RIMBP2: variants seen among roughly 807,000 people sequenced by gnomAD.
RIMBP2 encodes RIMS binding protein 2.
Under a neutral mutation model 118.6 loss-of-function variants are expected in RIMBP2, and 48 were observed. That is an observed-to-expected ratio of 0.40 (90% CI 0.32 to 0.51). The LOEUF (loss-of-function observed/expected upper bound fraction) is 0.51. RIMBP2 is among the 20% of genes least tolerant of loss of function. The pLI is 0.41. For missense variants in RIMBP2, 1,551 were observed against 1,768.3 expected (o/e 0.88, Z 2.20); for synonymous variants, 762 against 742.9 (o/e 1.03, Z -0.42).
chr12:130,420,686 A>C lies in RIMBP2; in HGVS notation c.3238+1767T>G, dbSNP rs928164292. Among the ~76,000 whole-genome samples, 7 of 152,218 alleles carry C rather than the reference A, an allele frequency of 4.6e-5. No individual in the cohort carries two copies. Among genetic ancestry groups the C allele is most frequent in the Non-Finnish European group, 8.8e-5 (6 of 68,042 alleles). The stretch of plus-strand genomic sequence containing the variant: ...ACCAAAGCGGAGACAAAAAATAATT[A>C]TTTAAGCCAATATTGAGTCTAAGTC... On this transcript the variant is annotated intron_variant, in intron 17 of 22. Coordinates refer to ENST00000690449, the MANE Select transcript of RIMBP2 (RefSeq NM_001393629.1). This position sits in a 1 kb window ranked among gnomAD's most constrained non-coding sequence, Gnocchi z 4.3.
intron 3 of RIMBP2, among the ~76,000 whole-genome samples, chr12:130,516,448 C>T (rs917396313): frequency 6.6e-6 from 1 of 152,156 alleles, no homozygotes; most frequent in African/African-American, 2.4e-5. Context: ...AGGAGACAGA[C>T]AAACACATAA....
At position 130,706,675 on chromosome 12, in the gene RIMBP2, T is replaced by A. The variant is rs535556934; in HGVS notation, c.-352+9547A>T. On this transcript the variant is annotated intron_variant, in intron 1 of 22. Transcript: ENST00000690449. ...GGATTTGGGCAAGTGACTTAACCTT[T>A]CTGGGTGTTGGTGCCTTTTGACAGT... Among the ~76,000 whole-genome samples, 208 of 152,364 alleles carry A rather than the reference T, an allele frequency of 1.4e-3. 1 individual carries two copies. Among genetic ancestry groups the A allele is most frequent in the African/African-American group, 3.9e-3 (162 of 41,590 alleles).
intron 1 of RIMBP2, among the ~76,000 whole-genome samples, chr12:130,635,878 C>A (rs1365905240): frequency 2.0e-5 from 3 of 152,074 alleles, no homozygotes; most frequent in Non-Finnish European, 4.4e-5. Flanking sequence ...CTGCATTCTC[C>A]TACTGGGGCC....
chr12:130,488,169 C>A (rs2082638309), intron 4 of RIMBP2, among the ~76,000 whole-genome samples: 2 of 152,108 alleles, frequency 1.3e-5, no homozygotes, highest in African/African-American at 4.8e-5. Context: ...AAAGATTCCA[C>A]ATTTCACCAA....
intron 2 of RIMBP2, among the ~76,000 whole-genome samples, chr12:130,612,380 C>G (rs1233604845): frequency 2.6e-5 from 4 of 152,164 alleles, no homozygotes; most frequent in African/African-American, 9.6e-5. Flanking sequence ...TCAGCTTGGA[C>G]AAGCCCTCAG....
chr12:130,439,147 GTGTA>G (rs1468498028), intron 11 of RIMBP2, among the ~76,000 whole-genome samples: 13 of 151,860 alleles, frequency 8.6e-5, no homozygotes, highest in African/African-American at 2.7e-4. Flanking sequence ...GTGTATATGT[GTGTA>G]TGTGTGTGTA....
At chr12:130,516,717 G>T (rs2051502486) in intron 3 of RIMBP2, among the ~76,000 whole-genome samples, 1 of 152,186 alleles carries the variant, frequency 6.6e-6, no homozygotes, top group South Asian at 2.1e-4. Context: ...AGGAACAAAA[G>T]TAAGTCAGAG....
chr12:130,524,806 G>A (rs1270621538), intron 2 of RIMBP2, among the ~76,000 whole-genome samples: 1 of 152,170 alleles, frequency 6.6e-6, no homozygotes, highest in African/African-American at 2.4e-5. Flanking sequence ...GGCGGGTACA[G>A]GAGTTATTAA....
At position 130,538,195 on chromosome 12, in the gene RIMBP2, T is replaced by C. The variant is rs1020897890; in HGVS notation, c.-216-20278A>G. On this transcript the variant is annotated intron_variant, in intron 2 of 22. Coordinates refer to ENST00000690449, the MANE Select transcript of RIMBP2 (RefSeq NM_001393629.1). ...GTTACTGAATAGTGTCATTAGGACATTTAAAAAATAGAAAATTTAATATAA... is the reference window on the plus strand; with the variant it reads ...GTTACTGAATAGTGTCATTAGGACACTTAAAAAATAGAAAATTTAATATAA... Among the ~76,000 whole-genome samples, 4 of 152,138 alleles carry C rather than the reference T, an allele frequency of 2.6e-5. No homozygotes were observed. In the East Asian group the frequency reaches 7.7e-4, roughly 29 times the overall value.
chr12:130,483,984 G>A (rs1006313259), intron 4 of RIMBP2, among the ~76,000 whole-genome samples: 9 of 152,134 alleles, frequency 5.9e-5, no homozygotes, highest in African/African-American at 1.7e-4. Context: ...GAGGGCTTCC[G>A]CGGCTCCTGG....
chr12:130,682,784 T>C (rs545858319), intron 1 of RIMBP2, among the ~76,000 whole-genome samples: 6 of 152,196 alleles, frequency 3.9e-5, no homozygotes, highest in Non-Finnish European at 5.9e-5. Context: ...CTGGTGATAA[T>C]TGATGAAGAC....
chr12:130,450,396 G>A lies in RIMBP2; in HGVS notation c.505-120C>T. 1 of 725,324 alleles carries A rather than the reference G, an allele frequency of 1.4e-6. No homozygotes were observed. The highest frequency in any genetic ancestry group is 2.5e-6 in the Non-Finnish European group (1 of 408,006). 44.9% of individuals were successfully genotyped at this position (725,324 alleles called of 1,614,324 possible). On this transcript the variant is annotated intron_variant, in intron 8 of 22. Transcript: ENST00000690449. This position sits in a 1 kb window ranked among gnomAD's most constrained non-coding sequence, Gnocchi z 4.8. ...GCCCCAGGAGGGACGGCCTGAGACT[G>A]TGGCACTCCCAGGAGGCACTGCCAC... is the stretch of plus-strand genomic sequence containing the variant.
rs186045779 is a variant in RIMBP2, at chr12:130,523,256, C to T, written c.-216-5339G>A. Among the ~76,000 whole-genome samples the T allele has an allele frequency of 2.8e-4, 42 of 152,252 alleles. 1 individual carries two copies. Among genetic ancestry groups the T allele is most frequent in the African/African-American group, 1.4e-4 (6 of 41,528 alleles). On this transcript the variant is annotated intron_variant, in intron 2 of 22. Transcript: ENST00000690449. This position sits in a 1 kb window ranked among gnomAD's most constrained non-coding sequence, Gnocchi z 4.4. ...CTCTGTCCCCTACCCACTACCTGGC[C>T]GTGTGAGGACACAGTGAGAAAACAG... is the stretch of plus-strand genomic sequence containing the variant.
At chr12:130,668,186 A>T (rs1397196656) in intron 1 of RIMBP2, 1 of 152,154 alleles carries the variant, frequency 6.6e-6, no homozygotes, top group African/African-American at 2.4e-5. Flanking sequence ...AATGCTGAGG[A>T]ATGAGTGTCA....
intron 20 of RIMBP2, among the ~76,000 whole-genome samples, chr12:130,406,903 AG>A (rs2136369037): frequency 6.6e-6 from 1 of 152,250 alleles, no homozygotes; most frequent in South Asian, 2.1e-4. Flanking sequence ...CACCTCCCAA[AG>A]TGCTGGGATT....
rs1387595624 is a variant in RIMBP2 at position 130,490,823 on chromosome 12, C to A, written c.-3-11807G>T. Among the ~76,000 whole-genome samples, 33 of 152,110 alleles carry A rather than the reference C, an allele frequency of 2.2e-4. 1 individual carries two copies. The highest frequency in any genetic ancestry group is 2.2e-3 in the Admixed American group (33 of 15,272). The stretch of plus-strand genomic sequence containing the variant: ...TCGGCTTACCGGCCAGTCCACAGGA[C>A]TAAAAGAGAGGCCAAATGCCAACTC... On this transcript the variant is annotated intron_variant, in intron 4 of 22. Coordinates refer to ENST00000690449, the MANE Select transcript of RIMBP2 (RefSeq NM_001393629.1).
At chr12:130,528,440 G>C (rs1254064796) in intron 2 of RIMBP2, among the ~76,000 whole-genome samples, 1 of 152,082 alleles carries the variant, frequency 6.6e-6, no homozygotes, top group Admixed American at 6.5e-5. Context: ...ACACACACTG[G>C]GGCCTGTTGG....
At chr12:130,646,766 G>A (rs535043200) in intron 1 of RIMBP2, among the ~76,000 whole-genome samples, 27 of 152,360 alleles carry the variant, frequency 1.8e-4, no homozygotes, top group Non-Finnish European at 2.6e-4. Context: ...CTCCAGGGGC[G>A]AATGATTTAT....
chr12:130,437,732 A>G (rs749336342), intron 12 of RIMBP2, among the ~76,000 whole-genome samples: 28 of 152,098 alleles, frequency 1.8e-4, no homozygotes, highest in Non-Finnish European at 3.7e-4. Flanking sequence ...CATGCTGGGG[A>G]CTTCCCGCCT....
Sources: gnomAD v4.1 joint callset for allele counts (sites outside exome capture counted in the v4.1 genomes callset) on GRCh38, gnomAD v4.1.1 for gene constraint, Gnocchi (gnomAD v3.1) non-coding constraint, MANE v1.5 for transcripts, NCBI Gene and HGNC (gene_info 2026-07-23, HGNC 2026-07-21) for gene names.